The following PLCE1 variants were observed in gnomAD, a reference collection of about 807,000 sequenced individuals.
PLCE1 encodes phospholipase C epsilon 1.
A neutral mutation model predicts 242.8 loss-of-function variants in PLCE1; 119 were observed. The observed-to-expected ratio is 0.49, with a 90% CI of 0.42 to 0.57. PLCE1 has a LOEUF of 0.57. Ranked by LOEUF, PLCE1 falls within the 20% of genes least tolerant of loss-of-function variation. The pLI is 0.00. For synonymous variants in PLCE1, 945 were observed against 1,017.4 expected (o/e 0.93, Z 1.35); for missense variants, 2,441 against 2,788.8 (o/e 0.88, Z 2.81).
chr10:94,269,701 GT>G (rs2051655255), intron 17 of PLCE1, among the ~76,000 whole-genome samples: 1 of 152,192 alleles, frequency 6.6e-6, no homozygotes, highest in South Asian at 2.1e-4. Context: ...TTGTCCTAGT[GT>G]CATGCTGACA....
chr10:94,183,648 C>T (rs2048379480), intron 4 of PLCE1, among the ~76,000 whole-genome samples: 1 of 152,168 alleles, frequency 6.6e-6, no homozygotes, highest in Admixed American at 6.6e-5. Flanking sequence ...AGAGAGATAC[C>T]TGAGGCTGGG....
intron 29 of PLCE1, among the ~76,000 whole-genome samples, chr10:94,318,452 CTA>C (rs1402687723): frequency 6.6e-6 from 1 of 152,178 alleles, no homozygotes; most frequent in Non-Finnish European, 1.5e-5. Context: ...CCCTCAAACA[CTA>C]TGTTGAATGA....
intron 4 of PLCE1, among the ~76,000 whole-genome samples, chr10:94,205,154 G>A (rs567307424): frequency 3.2e-4 from 49 of 152,242 alleles, no homozygotes; most frequent in African/African-American, 9.9e-4. Flanking sequence ...TTCCTTACAC[G>A]TCCTTTAATA....
intron 2 of PLCE1, among the ~76,000 whole-genome samples, chr10:94,054,797 G>A (rs1204362760): frequency 6.6e-6 from 1 of 152,094 alleles, no homozygotes; most frequent in East Asian, 1.9e-4. Flanking sequence ...CGGATCACGA[G>A]GTCAGGAGAT....
intron 2 of PLCE1, among the ~76,000 whole-genome samples, chr10:94,118,359 T>C (rs1201553236): frequency 6.6e-6 from 1 of 152,148 alleles, no homozygotes; most frequent in African/African-American, 2.4e-5. Flanking sequence ...GTCAAATATA[T>C]TGTGTTCAAC....
At chr10:94,070,899 C>A (rs2044332360) in intron 2 of PLCE1, among the ~76,000 whole-genome samples, 1 of 152,192 alleles carries the variant, frequency 6.6e-6, no homozygotes, top group African/African-American at 2.4e-5. Context: ...TGCTATGAAG[C>A]TTTCCTTGGC....
chr10:94,164,258 G>A (rs534515321), intron 3 of PLCE1, among the ~76,000 whole-genome samples: 1 of 152,256 alleles, frequency 6.6e-6, no homozygotes, highest in South Asian at 2.1e-4. Flanking sequence ...TTCCAGCTTG[G>A]TTCCATTCTC....
chr10:94,153,737 A>G (rs1327042741), intron 3 of PLCE1, among the ~76,000 whole-genome samples: 1 of 152,206 alleles, frequency 6.6e-6, no homozygotes, highest in Non-Finnish European at 1.5e-5. Flanking sequence ...AGCCATTAAC[A>G]ATCCAAAAAT....
intron 20 of PLCE1, chr10:94,280,312 C>T (rs1434211152): frequency 3.9e-6 from 1 of 253,332 alleles, no homozygotes; most frequent in Non-Finnish European, 7.7e-6. Context: ...CTCTCTGTTT[C>T]ACACTCTTGC....
intron 2 of PLCE1, among the ~76,000 whole-genome samples, chr10:94,073,189 C>A (rs770904991): frequency 2.0e-5 from 3 of 150,886 alleles, no homozygotes; most frequent in Non-Finnish European, 3.0e-5. Flanking sequence ...AGTTCATGAT[C>A]GTTTCTTTTT....
chr10:94,023,475 A>T (rs1206714908), intron 1 of PLCE1, among the ~76,000 whole-genome samples: 1 of 152,128 alleles, frequency 6.6e-6, no homozygotes, highest in Non-Finnish European at 1.5e-5. Flanking sequence ...AATGAAGGAG[A>T]GGGAGTCCTG....
At chr10:94,219,856 T>C (rs2049663545) in intron 4 of PLCE1, among the ~76,000 whole-genome samples, 1 of 152,142 alleles carries the variant, frequency 6.6e-6, no homozygotes, top group African/African-American at 2.4e-5. Context: ...TAGAGTTTGT[T>C]CTGAAGACAA....
At chr10:94,014,702 C>T (rs2061244128) in intron 1 of PLCE1, among the ~76,000 whole-genome samples, 1 of 152,122 alleles carries the variant, frequency 6.6e-6, no homozygotes, top group African/African-American at 2.4e-5. Context: ...TTTACAAAAG[C>T]CTCTGCTCTG....
chr10:94,259,451 T>C (rs544111443), intron 13 of PLCE1, among the ~76,000 whole-genome samples: 1 of 152,126 alleles, frequency 6.6e-6, no homozygotes, highest in Admixed American at 6.5e-5. Flanking sequence ...GCCTGGCTAA[T>C]TTTTTGTATT....
intron 23 of PLCE1, among the ~76,000 whole-genome samples, chr10:94,294,595 A>G (rs529483632): frequency 3.9e-5 from 6 of 152,316 alleles, no homozygotes; most frequent in Admixed American, 6.5e-5. Context: ...ACACTATACC[A>G]TAGTCTATTA....
chr10:94,127,964 TC>T (rs1234941650), intron 2 of PLCE1, among the ~76,000 whole-genome samples: 1 of 151,508 alleles, frequency 6.6e-6, no homozygotes, highest in African/African-American at 2.4e-5. Flanking sequence ...AAGTGAGTGA[TC>T]TAGGAAGAGA....
chr10:94,254,456 T>C (rs2050994737), intron 10 of PLCE1, 149 bp downstream of exon 10: 1 of 709,688 alleles, frequency 1.4e-6, no homozygotes, highest in Non-Finnish European at 2.6e-6. Flanking sequence ...CTAAAGGTAC[T>C]TCTGCAAGCA....
intron 3 of PLCE1, among the ~76,000 whole-genome samples, chr10:94,139,907 C>T (rs2046901111): frequency 6.6e-6 from 1 of 152,136 alleles, no homozygotes; most frequent in Non-Finnish European, 1.5e-5. Context: ...CTCATACCTC[C>T]CCATTGTCCT....
chr10:94,265,565 C>T, intron 14 of PLCE1, 82 bp from the exon 15 acceptor site: 1 of 1,183,798 alleles, frequency 8.4e-7, no homozygotes, highest in Non-Finnish European at 1.3e-6. Flanking sequence ...AACAGAACAG[C>T]TTTAAAAAAT....
Sources: allele counts gnomAD v4.1 joint callset (sites outside exome capture counted in the v4.1 genomes callset), GRCh38; gene constraint gnomAD v4.1.1; transcripts MANE v1.5; gene names NCBI Gene and HGNC (gene_info 2026-07-23, HGNC 2026-07-21).